Variants in CLPTM1L observed in about 807,000 individuals in gnomAD.
CLPTM1L encodes the protein CLPTM1 like.
A neutral mutation model predicts 70.9 loss-of-function variants in CLPTM1L; 38 were observed. That is an observed-to-expected ratio of 0.54 (90% CI 0.41 to 0.70). The LOEUF is 0.70. Ranked by LOEUF, CLPTM1L falls within the 30% of genes least tolerant of loss-of-function variation. CLPTM1L has a pLI of 0.00. For missense variants in CLPTM1L, 652 were observed against 705.9 expected (o/e 0.92, Z 0.87); for synonymous variants, 339 against 299.9 (o/e 1.13, Z -1.35).
At chr5:1,325,499 C>A in intron 10 of CLPTM1L, 1 of 533,126 alleles carries the variant, frequency 1.9e-6, no homozygotes, top group Non-Finnish European at 3.3e-6. Flanking sequence ...CATCCTTCCT[C>A]CCAGAGGCCG....
At chr5:1,338,067 C>T in intron 4 of CLPTM1L, 85 bp from the exon 5 acceptor site, 1 of 1,133,842 alleles carries the variant, frequency 8.8e-7, no homozygotes, top group Non-Finnish European at 1.3e-6. Context: ...TGGGTTTACC[C>T]CAGAGAAGTG....
chr5:1,332,658 G>C (rs971512101), intron 7 of CLPTM1L, among the ~76,000 whole-genome samples: 1 of 152,206 alleles, frequency 6.6e-6, no homozygotes, highest in African/African-American at 2.4e-5. Context: ...CATGGTTTCG[G>C]TTAGCACGGA....
chr5:1,325,650 G>C lies in CLPTM1L; in HGVS notation c.1146+101C>G. 7 of 928,168 alleles carry C rather than the reference G, an allele frequency of 7.5e-6. No individual in the cohort carries two copies. In the South Asian group the frequency reaches 1.0e-4, roughly 13 times the overall value. 57.5% of individuals were successfully genotyped at this position (928,168 alleles called of 1,614,324 possible). On this transcript the variant is annotated intron_variant, in intron 10 of 16. Transcript: ENST00000320895. ...ACGGAGGCTCCCCTGACAGAGGCCC[G>C]CAGTGACTCATCTGCAGATGGCCAT...
chr5:1,334,040 C>G (rs548123713), intron 7 of CLPTM1L, among the ~76,000 whole-genome samples: 1 of 152,284 alleles, frequency 6.6e-6, no homozygotes, highest in East Asian at 1.9e-4. Context: ...AAAGCCAGCA[C>G]AGCCCAAGTC....
At chr5:1,326,757 A>ACATTTCATCCAGCTCCTCCTCTACG (rs1561234141) in intron 9 of CLPTM1L, among the ~76,000 whole-genome samples, 4 of 138,734 alleles carry the variant, frequency 2.9e-5, no homozygotes, top group Admixed American at 7.1e-5. Flanking sequence ...CCTCCTCTAC[A>ACATTTCATCCAGCTCCTCCTCTACG]GGGACAATCC....
intron 8 of CLPTM1L, 31 bp from the exon 9 acceptor site, chr5:1,330,414 G>T: frequency 1.9e-6 from 3 of 1,572,454 alleles, no homozygotes; most frequent in Non-Finnish European, 2.6e-6. Flanking sequence ...CTGGGAGGGG[G>T]TGCAGGGCAG....
At chr5:1,340,602 C>A (rs548917781) in intron 3 of CLPTM1L, among the ~76,000 whole-genome samples, 1 of 152,278 alleles carries the variant, frequency 6.6e-6, no homozygotes, top group African/African-American at 2.4e-5. Flanking sequence ...ATGGGGGCCC[C>A]AGATGAGGGG....
At chr5:1,334,631 G>A (rs1031353556) in intron 6 of CLPTM1L, among the ~76,000 whole-genome samples, 6 of 152,042 alleles carry the variant, frequency 3.9e-5, no homozygotes, top group East Asian at 1.9e-4. Flanking sequence ...GCACGCGCCT[G>A]TAATCCTAGC....
chr5:1,319,191 C>T (rs1752003039), intron 16 of CLPTM1L, among the ~76,000 whole-genome samples: 1 of 152,194 alleles, frequency 6.6e-6, no homozygotes, highest in South Asian at 2.1e-4. Context: ...CTTGGACAAC[C>T]TCAGGCTCTG....
At position 1,324,767 on chromosome 5, in the gene CLPTM1L, G is replaced by A. The variant is rs758875385; in HGVS notation, c.1193C>T (p.Thr398Ile). Residue 398 changes from threonine to isoleucine, a missense_variant, in exon 11 of 17, where the codon ACT becomes ATT. Transcript: ENST00000320895. Reference protein sequence around the residue: ...ESERKTEEYDTQAMKYLSYLL... With the variant: ...ESERKTEEYDIQAMKYLSYLL... ...CCTGAATCACAAGTGACTTACCTGA[G>A]TATCGTACTCCTCGGTTTTCCTCTC... 8 of 1,614,090 alleles carry A rather than the reference G, an allele frequency of 5.0e-6. No individual in the cohort carries two copies. Among genetic ancestry groups the A allele is most frequent in the Non-Finnish European group, 1.7e-6 (2 of 1,179,904 alleles).
chr5:1,339,580 G>A lies in CLPTM1L; in HGVS notation c.454-575C>T, dbSNP rs1488502295. Among the ~76,000 whole-genome samples the A allele has an allele frequency of 4.0e-5, 5 of 126,528 alleles. No individual in the cohort carries two copies. In the Admixed American group the frequency reaches 4.0e-4, roughly 10 times the overall value. 83.0% of individuals were successfully genotyped at this position (126,528 alleles called of 152,430 possible). On this transcript the variant is annotated intron_variant, in intron 3 of 16. Transcript: ENST00000320895. The stretch of plus-strand genomic sequence containing the variant: ...GGAAAAACCGCGCCCGGACAGCAGG[G>A]TCGGCACCCTAACCTGTGAAGAGAA...
At chr5:1,328,561 A>T (rs1387903750) in intron 9 of CLPTM1L, among the ~76,000 whole-genome samples, 1 of 150,990 alleles carries the variant, frequency 6.6e-6, no homozygotes, top group African/African-American at 2.5e-5. Flanking sequence ...CTCTACGGAC[A>T]CATTTCATCC....
In CLPTM1L at chr5:1,320,490, C is replaced by T. The variant is rs182900977; in HGVS notation, c.1532+126G>A. On this transcript the variant is annotated intron_variant, in intron 16 of 16. Coordinates refer to ENST00000320895, the MANE Select transcript of CLPTM1L (RefSeq NM_030782.5). ...TTAGGCAAGACAGGAAAAACCACCA[C>T]CTGCAAATTATCTTTTCCCTCAAAT... is the stretch of plus-strand genomic sequence containing the variant. The T allele has an allele frequency of 1.1e-3, 579 of 525,496 alleles. 1 individual carries two copies. Among genetic ancestry groups the T allele is most frequent in the Middle Eastern group, 5.2e-4 (1 of 1,914 alleles). 32.6% of individuals were successfully genotyped at this position (525,496 alleles called of 1,614,324 possible).
rs193069696 is a variant in CLPTM1L, at chr5:1,318,522, G to C, written c.1533-69C>G. 596 of 1,280,396 alleles carry C rather than the reference G, an allele frequency of 4.7e-4. 4 individuals carry two copies. The East Asian group carries it at 0.014, about 29-fold the overall frequency. The allele number at this position is 1,280,396 out of a possible 1,614,324, so 79.3% of individuals were successfully genotyped here. A position where few individuals can be genotyped will look rare whatever the true frequency, so the allele number is the denominator to read the frequency against. ...GGCTATTTTTCTAAGAGGAGGACTT[G>C]GCATCCTCGATTTATTTTCCAGTGA... On this transcript the variant is annotated intron_variant, in intron 16 of 16. Transcript: ENST00000320895. The surrounding 1 kb of genome is among the most constrained non-coding windows in gnomAD (Gnocchi z 8.9).
chr5:1,325,694 G>A, intron 10 of CLPTM1L, 57 bp downstream of exon 10: 1 of 1,463,504 alleles, frequency 6.8e-7, no homozygotes, highest in East Asian at 2.3e-5. Context: ...TTGCACAGGG[G>A]GCAAAATCAC....
intron 10 of CLPTM1L, chr5:1,325,205 C>T (rs1370932830): frequency 1.1e-5 from 3 of 283,600 alleles, no homozygotes; most frequent in Non-Finnish European, 2.0e-5. Context: ...TGCTGGGCTT[C>T]CTGACCCCCC....
chr5:1,324,769 A>G lies in CLPTM1L; in HGVS notation c.1191T>C (p.Asp397=), dbSNP rs747093541. 13 of 1,614,128 alleles carry G rather than the reference A, an allele frequency of 8.1e-6. No homozygotes were observed. The South Asian group carries it at 1.4e-4, about 18-fold the overall frequency. ...SESERKTEEY[D]TQAMKYLSYL... is the part of the protein sequence containing the mutation. ...TGAATCACAAGTGACTTACCTGAGT[A>G]TCGTACTCCTCGGTTTTCCTCTCAG... The change falls in exon 11 of 17, where the codon GAT becomes GAC. Residue 397 remains aspartate (D), a synonymous_variant. Coordinates refer to ENST00000320895, the MANE Select transcript of CLPTM1L (RefSeq NM_030782.5).
chr5:1,319,207 G>C (rs548624941), intron 16 of CLPTM1L, among the ~76,000 whole-genome samples: 1 of 152,308 alleles, frequency 6.6e-6, no homozygotes, highest in South Asian at 2.1e-4. Flanking sequence ...CTCTGCAGGG[G>C]GCAGGCGGCC....
intron 5 of CLPTM1L, among the ~76,000 whole-genome samples, chr5:1,335,850 C>A (rs905034656): frequency 5.3e-5 from 8 of 152,242 alleles, no homozygotes; most frequent in Non-Finnish European, 8.8e-5. Context: ...CCCTACAGCA[C>A]GTGGGCAGTG....
Sources: allele counts gnomAD v4.1 joint callset (sites outside exome capture counted in the v4.1 genomes callset), GRCh38; gene constraint gnomAD v4.1.1; non-coding constraint Gnocchi (gnomAD v3.1); transcripts MANE v1.5; gene names NCBI Gene and HGNC (gene_info 2026-07-23, HGNC 2026-07-21).